The following TRPC4 variants were observed in gnomAD, a reference collection of about 807,000 sequenced individuals.
TRPC4 encodes the protein short transient receptor potential channel 4.
Under a neutral mutation model 99.4 loss-of-function variants are expected in TRPC4, and 49 were observed. The ratio of observed to expected loss-of-function variants is 0.49; its 90% confidence interval spans 0.39 to 0.63. The LOEUF is 0.63. Ranked by LOEUF, TRPC4 falls within the 20% of genes least tolerant of loss-of-function variation. The probability of loss-of-function intolerance (pLI) is 0.00; values close to 1 mark genes in which losing one functional copy is unlikely to be tolerated. For synonymous variants in TRPC4, 454 were observed against 425.9 expected, an observed-to-expected ratio of 1.07 and a Z score of -0.81; for missense variants, 898 against 1,152.9, an observed-to-expected ratio of 0.78 and a Z score of 3.20.
At chr13:37,771,638 T>C (rs1956552911) in intron 2 of TRPC4, among the ~76,000 whole-genome samples, 1 of 151,430 alleles carries the variant, frequency 6.6e-6, no homozygotes, top group Admixed American at 6.6e-5. Flanking sequence ...ATTGGTAAGA[T>C]TCATTTTATA....
chr13:37,694,357 G>A (rs1056629029), intron 3 of TRPC4, among the ~76,000 whole-genome samples: 7 of 152,108 alleles, frequency 4.6e-5, no homozygotes, highest in Admixed American at 1.3e-4. Context: ...CATGCAGAAC[G>A]AGTAAAAGAA....
intron 1 of TRPC4, among the ~76,000 whole-genome samples, chr13:37,795,144 T>A (rs1957214675): frequency 6.6e-6 from 1 of 152,188 alleles, no homozygotes; most frequent in Admixed American, 6.6e-5. Flanking sequence ...ATTTAGAATT[T>A]CTTACTAGGA....
chr13:37,647,489 A>G (rs1951887939), intron 8 of TRPC4, among the ~76,000 whole-genome samples: 1 of 152,170 alleles, frequency 6.6e-6, no homozygotes, highest in Non-Finnish European at 1.5e-5. Flanking sequence ...CACAACAGGG[A>G]AGGTGTTGCT....
intron 1 of TRPC4, among the ~76,000 whole-genome samples, chr13:37,865,061 C>T (rs1959646054): frequency 6.6e-6 from 1 of 151,750 alleles, no homozygotes; most frequent in African/African-American, 2.4e-5. Flanking sequence ...CCTTCAACCT[C>T]AATGTCAATA....
At chr13:37,782,667 G>T (rs1258653208) in intron 2 of TRPC4, among the ~76,000 whole-genome samples, 1 of 151,958 alleles carries the variant, frequency 6.6e-6, no homozygotes, top group Non-Finnish European at 1.5e-5. Context: ...GCATTACATA[G>T]AAATGTTTCC....
chr13:37,671,191 A>T (rs1268833602), intron 5 of TRPC4, among the ~76,000 whole-genome samples: 1 of 152,178 alleles, frequency 6.6e-6, no homozygotes, highest in Non-Finnish European at 1.5e-5. Context: ...CTTTATCTAC[A>T]TCAGCCTCTA....
chr13:37,816,933 C>A (rs1957872527), intron 1 of TRPC4, among the ~76,000 whole-genome samples: 1 of 151,902 alleles, frequency 6.6e-6, no homozygotes, highest in Non-Finnish European at 1.5e-5. Context: ...ATGGCACAAG[C>A]TGGAAACATG....
chr13:37,664,175 C>T (rs561833499), intron 5 of TRPC4, among the ~76,000 whole-genome samples: 3 of 152,136 alleles, frequency 2.0e-5, no homozygotes, highest in Admixed American at 2.0e-4. Context: ...AAAAAGTAAG[C>T]AGGTTAATTA....
intron 8 of TRPC4, among the ~76,000 whole-genome samples, chr13:37,642,679 G>C (rs1951752425): frequency 6.6e-6 from 1 of 151,888 alleles, no homozygotes; most frequent in Non-Finnish European, 1.5e-5. Context: ...CACTCTTGGT[G>C]CCAGGCAGAT....
intron 1 of TRPC4, among the ~76,000 whole-genome samples, chr13:37,865,994 C>CT (rs1342346927): frequency 6.6e-6 from 1 of 151,578 alleles, no homozygotes; most frequent in East Asian, 1.9e-4. Context: ...TCCCTCTTTT[C>CT]TTTTTTCACA....
chr13:37,826,889 CTCCA>C (rs1566201968), intron 1 of TRPC4, among the ~76,000 whole-genome samples: 1 of 152,120 alleles, frequency 6.6e-6, no homozygotes, highest in African/African-American at 2.4e-5. Flanking sequence ...GTTCCATTCT[CTCCA>C]CCACTTTCAG....
intron 1 of TRPC4, among the ~76,000 whole-genome samples, chr13:37,865,550 C>T (rs556275365): frequency 2.6e-5 from 4 of 151,786 alleles, no homozygotes; most frequent in South Asian, 2.1e-4. Context: ...TCTTGCTCTG[C>T]TTCAAAACTG....
intron 1 of TRPC4, among the ~76,000 whole-genome samples, chr13:37,868,371 A>G (rs9315518): frequency 0.059 from 8,913 of 152,152 alleles, 831 homozygotes; most frequent in African/African-American, 0.2. Context: ...TAGGCGCTAC[A>G]AATGTAACTT....
At chr13:37,678,757 A>G (rs1953141046) in intron 4 of TRPC4, among the ~76,000 whole-genome samples, 1 of 152,146 alleles carries the variant, frequency 6.6e-6, no homozygotes, top group African/African-American at 2.4e-5. Context: ...CAAGTATTAC[A>G]CTGATAAACA....
intron 1 of TRPC4, among the ~76,000 whole-genome samples, chr13:37,823,158 A>G (rs1341216294): frequency 2.7e-5 from 4 of 149,742 alleles, no homozygotes; most frequent in African/African-American, 9.8e-5. Flanking sequence ...TTCATTGTAG[A>G]TTCTGGATAT....
intron 1 of TRPC4, among the ~76,000 whole-genome samples, chr13:37,790,378 C>G (rs1957085593): frequency 6.6e-6 from 1 of 152,104 alleles, no homozygotes; most frequent in Admixed American, 6.6e-5. Context: ...AGCACATCCC[C>G]CATGAGACTG....
intron 1 of TRPC4, among the ~76,000 whole-genome samples, chr13:37,822,647 C>T (rs544352305): frequency 1.3e-5 from 2 of 151,880 alleles, no homozygotes; most frequent in East Asian, 3.9e-4. Context: ...ATATGTGCCA[C>T]ATTTTCTTCA....
Position 37,692,108 on chromosome 13 carries a change from A to C in TRPC4, c.1125T>G (p.Thr375=), listed in dbSNP as rs1210122540. ...KFICHTASYL[T]FLFLLLLASQ... ...AGGCAAGCAGCAGCAGGAACAAAAA[A>C]GTCAAATAGGAGGCTGTGTGGCAGA... The change falls in exon 4 of 11, where the codon ACT becomes ACG. Residue 375 remains threonine, a synonymous_variant. Coordinates refer to ENST00000379705, the MANE Select transcript of TRPC4 (RefSeq NM_016179.4). 1.2e-6 allele frequency: 2 copies of C among 1,614,196 alleles called. No individual in the cohort carries two copies. The highest frequency in any genetic ancestry group is 1.7e-5 in the Admixed American group (1 of 60,026).
intron 3 of TRPC4, among the ~76,000 whole-genome samples, chr13:37,702,625 T>C (rs914860846): frequency 6.6e-6 from 1 of 152,138 alleles, no homozygotes; most frequent in Non-Finnish European, 1.5e-5. Flanking sequence ...ACCTCTTATA[T>C]CATATTTTAA....
Sources: gnomAD v4.1 joint callset for allele counts (sites outside exome capture counted in the v4.1 genomes callset) on GRCh38, gnomAD v4.1.1 for gene constraint, MANE v1.5 for transcripts, NCBI Gene and HGNC (gene_info 2026-07-23, HGNC 2026-07-21) for gene names.